DERA: variants seen among roughly 807,000 people sequenced by gnomAD.
DERA encodes deoxyribose-phosphate aldolase.
A neutral mutation model predicts 41.1 loss-of-function variants in DERA; 15 were observed. That is an observed-to-expected ratio of 0.37 (90% CI 0.24 to 0.56). The LOEUF (loss-of-function observed/expected upper bound fraction) is 0.56, where lower values mean the gene tolerates loss of function less well. DERA is among the 20% of genes least tolerant of loss of function. The pLI is 0.81. For missense variants in DERA, 396 were observed against 403.4 expected (o/e 0.98, Z 0.16); for synonymous variants, 139 against 137.4 (o/e 1.01, Z -0.08).
Position 15,967,553 on chromosome 12 carries a change from C to G in DERA, c.508+4606C>G, listed in dbSNP as rs1476680923. Reference sequence around the variant, plus strand: ...ACTGTTTCATTACTGATTATATTATCCCAGAATACAGTGATGCTTTCAGGG... The same window carrying G: ...ACTGTTTCATTACTGATTATATTATGCCAGAATACAGTGATGCTTTCAGGG... On this transcript the variant is annotated intron_variant, in intron 5 of 8. Transcript: ENST00000428559. The surrounding 1 kb of genome is among the most constrained non-coding windows in gnomAD (Gnocchi z 4.9). Among the ~76,000 whole-genome samples the G allele has an allele frequency of 1.3e-5, 2 of 152,096 alleles. No individual in the cohort carries two copies. Among genetic ancestry groups the G allele is most frequent in the Non-Finnish European group, 2.9e-5 (2 of 68,028 alleles).
In DERA at chr12:15,976,999, A is replaced by G. The variant is rs564885106; in HGVS notation, c.509-5309A>G. Among the ~76,000 whole-genome samples, 108 of 152,170 alleles carry G rather than the reference A, an allele frequency of 7.1e-4. No individual in the cohort carries two copies. The highest frequency in any genetic ancestry group is 1.4e-3 in the Non-Finnish European group (92 of 68,034). On this transcript the variant is annotated intron_variant, in intron 5 of 8. Transcript: ENST00000428559. This position sits in a 1 kb window ranked among gnomAD's most constrained non-coding sequence, Gnocchi z 4.1. ...TTTAGTGTATTATACAAAATTTAGT[A>G]TCTTATATTTCTGAATTACCTTGGA...
chr12:16,014,607 G>C lies in DERA; in HGVS notation c.638-17935G>C, dbSNP rs574771221. ...TTTACTGCAGAGGGGAGCCCTCGTG[G>C]AGAACCTCTGCTAGGGCAGTGTGGA... On this transcript the variant is annotated intron_variant, in intron 6 of 8. Transcript: ENST00000428559. The surrounding 1 kb of genome is among the most constrained non-coding windows in gnomAD (Gnocchi z 5.4). 1.3e-4 allele frequency among the ~76,000 whole-genome samples: 20 copies of C among 152,340 alleles called. No homozygotes were observed. Among genetic ancestry groups the C allele is most frequent in the African/African-American group, 4.8e-4 (20 of 41,578 alleles).
At chr12:15,916,232 C>T (rs549453892) in intron 1 of DERA, 42 of 152,252 alleles carry the variant, frequency 2.8e-4, no homozygotes, top group African/African-American at 7.0e-4. Context: ...CATGTCAAAA[C>T]CAGACTTCCT....
Position 15,938,913 on chromosome 12 carries a change from A to G in DERA, c.32-18023A>G, listed in dbSNP as rs1300521266. On this transcript the variant is annotated intron_variant, in intron 1 of 8. Coordinates refer to ENST00000428559, the MANE Select transcript of DERA (RefSeq NM_015954.4). The surrounding 1 kb of genome is among the most constrained non-coding windows in gnomAD (Gnocchi z 4.1). ...AGAATGTAAGCTTATCTAATTTAAA[A>G]TAGGAGCTTGTGGTAGCTAGTCTCC... is the stretch of plus-strand genomic sequence containing the variant. 6.6e-6 allele frequency among the ~76,000 whole-genome samples: 1 copy of G among 152,222 alleles called. No individual in the cohort carries two copies. Among genetic ancestry groups the G allele is most frequent in the East Asian group, 1.9e-4 (1 of 5,202 alleles).
chr12:16,004,785 A>T lies in DERA; in HGVS notation c.637+22349A>T, dbSNP rs1948898844. On this transcript the variant is annotated intron_variant, in intron 6 of 8. Transcript: ENST00000428559. The surrounding 1 kb of genome is among the most constrained non-coding windows in gnomAD (Gnocchi z 4.2). Reference sequence around the variant, plus strand: ...TTAAAAATTTAAAAAAATCCTACTAAAAACTAGGAGATACCTTGGGAGTTT... The same window carrying T: ...TTAAAAATTTAAAAAAATCCTACTATAAACTAGGAGATACCTTGGGAGTTT... 6.6e-6 allele frequency among the ~76,000 whole-genome samples: 1 copy of T among 152,204 alleles called. No homozygotes were observed. Among genetic ancestry groups the T allele is most frequent in the Non-Finnish European group, 1.5e-5 (1 of 68,030 alleles).
chr12:15,929,107 C>A (rs905929740), intron 1 of DERA, among the ~76,000 whole-genome samples: 2 of 152,178 alleles, frequency 1.3e-5, no homozygotes. Context: ...TGTGGAGCCC[C>A]ACTAGGGAGA....
In DERA at chr12:15,936,886, T is replaced by TTGTCTTGTCTTGTCCTGTCC. The variant is rs1351383547; in HGVS notation, c.32-20046_32-20045insTTGTCTTGTCCTGTCCTGTC. On this transcript the variant is annotated intron_variant, in intron 1 of 8. Transcript: ENST00000428559. The surrounding 1 kb of genome is among the most constrained non-coding windows in gnomAD (Gnocchi z 4.6). ...TTGTCTTGTCTTGTCTTGTCTTGTC[T>TTGTCTTGTCTTGTCCTGTCC]TGTCCTGTCCTGTCCTGTCCTGTCC... Among the ~76,000 whole-genome samples, 30 of 136,924 alleles carry TTGTCTTGTCTTGTCCTGTCC rather than the reference T, an allele frequency of 2.2e-4. No individual in the cohort carries two copies. Among genetic ancestry groups the TTGTCTTGTCTTGTCCTGTCC allele is most frequent in the Non-Finnish European group, 3.9e-4 (26 of 65,964 alleles). The allele number at this position is 136,924 out of a possible 152,430, so 89.8% of individuals were successfully genotyped here.
chr12:16,025,656 A>G (rs530906500), intron 6 of DERA, among the ~76,000 whole-genome samples: 1 of 152,246 alleles, frequency 6.6e-6, no homozygotes, highest in African/African-American at 2.4e-5. Context: ...AGCAGGCAGA[A>G]TAACAGCAAG....
chr12:15,940,224 G>T lies in DERA; in HGVS notation c.32-16712G>T, dbSNP rs1211619496. ...ATTTGATAAATTAGATTTTTAAAATGAGTCAATATTCAAATTAACTGATTT... is the reference window on the plus strand; with the variant it reads ...ATTTGATAAATTAGATTTTTAAAATTAGTCAATATTCAAATTAACTGATTT... On this transcript the variant is annotated intron_variant, in intron 1 of 8. Coordinates refer to ENST00000428559, the MANE Select transcript of DERA (RefSeq NM_015954.4). This position sits in a 1 kb window ranked among gnomAD's most constrained non-coding sequence, Gnocchi z 5.1. 6.6e-6 allele frequency among the ~76,000 whole-genome samples: 1 copy of T among 152,162 alleles called. No individual in the cohort carries two copies. Among genetic ancestry groups the T allele is most frequent in the Non-Finnish European group, 1.5e-5 (1 of 68,016 alleles).
At position 16,004,641 on chromosome 12, in the gene DERA, G is replaced by A. The variant is rs1948897890; in HGVS notation, c.637+22205G>A. On this transcript the variant is annotated intron_variant, in intron 6 of 8. Coordinates refer to ENST00000428559, the MANE Select transcript of DERA (RefSeq NM_015954.4). This position sits in a 1 kb window ranked among gnomAD's most constrained non-coding sequence, Gnocchi z 4.2. The stretch of plus-strand genomic sequence containing the variant: ...GTATGCTCTCAAGAAACAAGTGGGT[G>A]TTTATGCATGTATCCTTTGTACGAT... Among the ~76,000 whole-genome samples the A allele has an allele frequency of 6.6e-6, 1 of 152,158 alleles. No homozygotes were observed. Among genetic ancestry groups the A allele is most frequent in the African/African-American group, 2.4e-5 (1 of 41,442 alleles).
intron 6 of DERA, among the ~76,000 whole-genome samples, chr12:16,031,420 G>A (rs558355958): frequency 6.6e-6 from 1 of 152,280 alleles, no homozygotes; most frequent in African/African-American, 2.4e-5. Flanking sequence ...ACTTGTTTTA[G>A]GTATGGTGCC....
In DERA at chr12:15,957,143, G is replaced by A; in HGVS notation, c.129+110G>A. ...AAGATGCATCTAAACTTAAAAGATT[G>A]CAGCTGTCCATGACTTATTTTAATA... On this transcript the variant is annotated intron_variant, in intron 2 of 8. Coordinates refer to ENST00000428559, the MANE Select transcript of DERA (RefSeq NM_015954.4). This position sits in a 1 kb window ranked among gnomAD's most constrained non-coding sequence, Gnocchi z 4.8. 1.3e-6 allele frequency: 1 copy of A among 793,924 alleles called. No homozygotes were observed. Among genetic ancestry groups the A allele is most frequent in the Non-Finnish European group, 2.1e-6 (1 of 467,334 alleles). The allele number at this position is 793,924 out of a possible 1,614,324, so 49.2% of individuals were successfully genotyped here.
chr12:15,986,870 T>A (rs1463265176), intron 6 of DERA, among the ~76,000 whole-genome samples: 2 of 152,202 alleles, frequency 1.3e-5, no homozygotes, highest in African/African-American at 4.8e-5. Context: ...GGTCTGCTGA[T>A]GATGAGTTCT....
At chr12:16,030,361 A>G (rs1949084413) in intron 6 of DERA, among the ~76,000 whole-genome samples, 1 of 152,148 alleles carries the variant, frequency 6.6e-6, no homozygotes. Context: ...ACACATCTTG[A>G]TATCATTATG....
At chr12:15,944,053 T>G (rs1948428354) in intron 1 of DERA, among the ~76,000 whole-genome samples, 1 of 152,068 alleles carries the variant, frequency 6.6e-6, no homozygotes, top group African/African-American at 2.4e-5. Context: ...ACAAAGGACA[T>G]GAACTCATCC....
At position 15,992,069 on chromosome 12, in the gene DERA, A is replaced by ATT. The variant is rs201456397; in HGVS notation, c.637+9646_637+9647dup. ...CAGCATCAACTGTTTTACCTGTTAG[A>ATT]TTTTTTTTTTTTTTCAAAACTGTGC... is the stretch of plus-strand genomic sequence containing the variant. On this transcript the variant is annotated intron_variant, in intron 6 of 8. Coordinates refer to ENST00000428559, the MANE Select transcript of DERA (RefSeq NM_015954.4). The surrounding 1 kb of genome is among the most constrained non-coding windows in gnomAD (Gnocchi z 4.3). Among the ~76,000 whole-genome samples the ATT allele has an allele frequency of 5.3e-3, 776 of 145,524 alleles. 8 individuals are homozygous for ATT. The highest frequency in any genetic ancestry group is 0.018 in the African/African-American group (720 of 40,164).
chr12:15,951,670 A>G (rs1051945313), intron 1 of DERA, among the ~76,000 whole-genome samples: 4 of 152,234 alleles, frequency 2.6e-5, no homozygotes, highest in African/African-American at 9.6e-5. Context: ...GGAATATATA[A>G]CGTGAGAAAG....
At position 15,993,299 on chromosome 12, in the gene DERA, T is replaced by C. The variant is rs1294702381; in HGVS notation, c.637+10863T>C. 6.6e-6 allele frequency among the ~76,000 whole-genome samples: 1 copy of C among 152,126 alleles called. No individual in the cohort carries two copies. The highest frequency in any genetic ancestry group is 1.5e-5 in the Non-Finnish European group (1 of 68,004). On this transcript the variant is annotated intron_variant, in intron 6 of 8. Coordinates refer to ENST00000428559, the MANE Select transcript of DERA (RefSeq NM_015954.4). This position sits in a 1 kb window ranked among gnomAD's most constrained non-coding sequence, Gnocchi z 4.4. ...AATAGGAAATTAGTATCTAAGATTT[T>C]AAAAAATATATTTTTGAAAATTTAA...
In DERA at chr12:16,026,364, T is replaced by G. The variant is rs1003138268; in HGVS notation, c.638-6178T>G. Among the ~76,000 whole-genome samples the G allele has an allele frequency of 6.6e-6, 1 of 151,676 alleles. No individual in the cohort carries two copies. Among genetic ancestry groups the G allele is most frequent in the Non-Finnish European group, 1.5e-5 (1 of 67,850 alleles). ...GAAATGAAAGAAGGGTCATCTCCTC[T>G]TCCCATGGATATTAAAAGGATTATA... On this transcript the variant is annotated intron_variant, in intron 6 of 8. Coordinates refer to ENST00000428559, the MANE Select transcript of DERA (RefSeq NM_015954.4). The surrounding 1 kb of genome is among the most constrained non-coding windows in gnomAD (Gnocchi z 4.4).
Sources: gnomAD v4.1 joint callset for allele counts (sites outside exome capture counted in the v4.1 genomes callset) on GRCh38, gnomAD v4.1.1 for gene constraint, Gnocchi (gnomAD v3.1) non-coding constraint, MANE v1.5 for transcripts, NCBI Gene and HGNC (gene_info 2026-07-23, HGNC 2026-07-21) for gene names.